Variants in PNPT1 observed in about 807,000 individuals in gnomAD.
PNPT1 encodes the protein polyribonucleotide nucleotidyltransferase 1.
PNPT1 carries 53 observed loss-of-function variants against 119.5 expected under a neutral mutation model. The observed-to-expected ratio is 0.44, with a 90% confidence interval of 0.36 to 0.56. PNPT1 has a LOEUF of 0.56. Among genes scored for constraint, PNPT1 ranks in the 20% least tolerant of loss-of-function variants. The pLI is 0.00. For synonymous variants in PNPT1, 357 were observed against 322.1 expected (o/e 1.11, Z -1.16); for missense variants, 948 against 938.5 (o/e 1.01, Z -0.13).
At chr2:55,661,839 T>C (rs1201621564) in intron 14 of PNPT1, 117 bp downstream of exon 14, 17 of 957,318 alleles carry the variant, frequency 1.8e-5, no homozygotes, top group Non-Finnish European at 2.3e-5. Flanking sequence ...AACAGAAAAA[T>C]GAAGTACAAA....
intron 23 of PNPT1, among the ~76,000 whole-genome samples, chr2:55,644,265 T>A (rs7590668): frequency 2.6e-4 from 40 of 152,278 alleles, no homozygotes; most frequent in African/African-American, 8.9e-4. Context: ...AGCTTTTTTT[T>A]ATATACTCTT....
chr2:55,666,138 AC>A (rs1696722745), intron 13 of PNPT1, among the ~76,000 whole-genome samples: 1 of 152,218 alleles, frequency 6.6e-6, no homozygotes. Context: ...GAAAATGCAA[AC>A]TAATTTATAG....
intron 13 of PNPT1, among the ~76,000 whole-genome samples, chr2:55,663,761 G>A (rs916130076): frequency 3.3e-5 from 5 of 151,974 alleles, no homozygotes; most frequent in East Asian, 1.9e-4. Flanking sequence ...GGTGAATCAC[G>A]AGGTCAGGAG....
At position 55,652,328 on chromosome 2, in the gene PNPT1, T is replaced by C. The variant is rs560412258; in HGVS notation, c.1495+2572A>G. ...GAACTGCATACCTTGTATCGGCCCA[T>C]CCCACAGGACTTGACATTCATTCTT... On this transcript the variant is annotated intron_variant, in intron 18 of 27. Coordinates refer to ENST00000447944, the MANE Select transcript of PNPT1 (RefSeq NM_033109.5). 1.7e-4 allele frequency among the ~76,000 whole-genome samples: 26 copies of C among 152,330 alleles called. No homozygotes were observed. In the South Asian group the frequency reaches 5.4e-3, roughly 32 times the overall value.
intron 7 of PNPT1, 54 bp downstream of exon 7, chr2:55,680,658 C>T: frequency 6.6e-7 from 1 of 1,522,918 alleles, no homozygotes. Context: ...GTCACTACTA[C>T]TTACTGAAAA....
chr2:55,679,477 T>C (rs1373820602), intron 8 of PNPT1, among the ~76,000 whole-genome samples: 2 of 152,200 alleles, frequency 1.3e-5, no homozygotes, highest in African/African-American at 4.8e-5. Flanking sequence ...AATATTTTTG[T>C]ATATTCTAAA....
intron 4 of PNPT1, 50 bp downstream of exon 4, chr2:55,684,893 C>G (rs746448196): frequency 7.1e-6 from 10 of 1,417,646 alleles, no homozygotes; most frequent in Non-Finnish European, 9.4e-6. Context: ...AGAAGAGATG[C>G]TAACATAGGC....
chr2:55,651,094 A>G (rs13006534), intron 18 of PNPT1, among the ~76,000 whole-genome samples: 5 of 112,866 alleles, frequency 4.4e-5, no homozygotes, highest in African/African-American at 6.8e-5. Flanking sequence ...CCCCCCGCCC[A>G]GCCAGCCGCC....
chr2:55,646,678 C>T (rs908571178), intron 19 of PNPT1, among the ~76,000 whole-genome samples, 192 bp from the exon 20 acceptor site: 1 of 152,152 alleles, frequency 6.6e-6, no homozygotes, highest in East Asian at 1.9e-4. Context: ...TCACCAGAAA[C>T]ATCATTTTAT....
chr2:55,657,374 A>G (rs965020812), intron 15 of PNPT1, among the ~76,000 whole-genome samples: 1 of 151,918 alleles, frequency 6.6e-6, no homozygotes, highest in Non-Finnish European at 1.5e-5. Flanking sequence ...CCAGATTAAC[A>G]AGAATTTTTT....
chr2:55,660,476 A>T (rs1357184014), intron 14 of PNPT1, among the ~76,000 whole-genome samples: 1 of 152,238 alleles, frequency 6.6e-6, no homozygotes, highest in African/African-American at 2.4e-5. Context: ...ATGTATTTTT[A>T]AGCATTAATG....
chr2:55,684,864 T>A, intron 4 of PNPT1, 79 bp downstream of exon 4: 1 of 1,368,318 alleles, frequency 7.3e-7, no homozygotes, highest in South Asian at 1.9e-5. Flanking sequence ...TAAGACTTAT[T>A]GTAGAACACA....
intron 6 of PNPT1, 39 bp from the exon 7 acceptor site, chr2:55,680,798 T>C (rs751058004): frequency 2.5e-6 from 4 of 1,612,152 alleles, no homozygotes; most frequent in Non-Finnish European, 3.4e-6. Flanking sequence ...AATTAAAATT[T>C]CATTGCTTTA....
intron 8 of PNPT1, among the ~76,000 whole-genome samples, chr2:55,679,457 G>A (rs568809287): frequency 6.6e-6 from 1 of 152,108 alleles, no homozygotes; most frequent in Non-Finnish European, 1.5e-5. Context: ...TTACTGAAAT[G>A]ATCTTGGTAA....
Position 55,693,761 on chromosome 2 carries a change from G to T in PNPT1, c.63C>A (p.Phe21Leu), listed in dbSNP as rs945997854. Residue 21 changes from phenylalanine (F) to leucine (L), a missense_variant, in exon 1 of 28, where the codon TTC (phenylalanine) becomes TTA (leucine). Physicochemically the swap from Phe to Leu is conservative, Grantham distance 22. Transcript: ENST00000447944. ...GTGCCCGATCCCGCCGTGGCAGAAG[G>T]AAAGGACCATCGCTCAGGGGCCGGA... is the stretch of plus-strand genomic sequence containing the variant. ...LRLRPLSDGP[F>L]LLPRRDRALT... 2 of 1,614,078 alleles carry T rather than the reference G, an allele frequency of 1.2e-6. No individual in the cohort carries two copies. The highest frequency in any genetic ancestry group is 1.7e-6 in the Non-Finnish European group (2 of 1,180,052).
chr2:55,647,478 G>A, intron 18 of PNPT1, 25 bp from the exon 19 acceptor site: 1 of 1,543,372 alleles, frequency 6.5e-7, no homozygotes, highest in South Asian at 1.2e-5. Context: ...AAGAACAACT[G>A]TGGGTAATGT....
chr2:55,664,717 T>C (rs1696682420), intron 13 of PNPT1, among the ~76,000 whole-genome samples: 1 of 152,144 alleles, frequency 6.6e-6, no homozygotes, highest in Non-Finnish European at 1.5e-5. Context: ...GACTAAGTAC[T>C]ACAGTTACAA....
intron 18 of PNPT1, among the ~76,000 whole-genome samples, chr2:55,651,653 C>T (rs1363227943): frequency 6.6e-6 from 1 of 150,410 alleles, no homozygotes; most frequent in Non-Finnish European, 1.5e-5. Context: ...GCCGCAGGGT[C>T]CTCTGCCTAG....
chr2:55,673,476 TCTCA>T (rs1696975322), intron 8 of PNPT1, among the ~76,000 whole-genome samples: 1 of 150,094 alleles, frequency 6.7e-6, no homozygotes, highest in South Asian at 2.1e-4. Flanking sequence ...TGAGACAGAG[TCTCA>T]CTCTGTTGAC....
Sources: allele counts gnomAD v4.1 joint callset (sites outside exome capture counted in the v4.1 genomes callset), GRCh38; gene constraint gnomAD v4.1.1; transcripts MANE v1.5; gene names NCBI Gene and HGNC (gene_info 2026-07-23, HGNC 2026-07-21).